The following GCLC variants were observed in gnomAD, a reference collection of about 807,000 sequenced individuals.
GCLC encodes glutamate--cysteine ligase catalytic subunit.
GCLC carries 30 observed loss-of-function variants against 81.5 expected under a neutral mutation model. The observed-to-expected ratio is 0.37, with a 90% CI of 0.28 to 0.50. The LOEUF (loss-of-function observed/expected upper bound fraction) is 0.50. GCLC is among the 20% of genes least tolerant of loss of function. GCLC has a pLI of 0.96. For missense variants in GCLC, 556 were observed against 777.4 expected (o/e 0.72, Z 3.39); for synonymous variants, 262 against 273.3 (o/e 0.96, Z 0.41).
chr6:53,511,035 A>C (rs17886037), intron 6 of GCLC, among the ~76,000 whole-genome samples: 563 of 152,362 alleles, frequency 3.7e-3, no homozygotes, highest in African/African-American at 0.013. Context: ...TTACATGAGC[A>C]GTGAGGAAAT....
chr6:53,515,755 G>T lies in GCLC; in HGVS notation c.560+354C>A, dbSNP rs565852754. On this transcript the variant is annotated intron_variant, in intron 4 of 15. Transcript: ENST00000650454. ...CAAATCACAGATACTGATGGTTAGA[G>T]AGGACAAAAAAGGAGAAATAACTAA... Among the ~76,000 whole-genome samples, 49 of 148,096 alleles carry T rather than the reference G, an allele frequency of 3.3e-4. 1 individual carries two copies. The highest frequency in any genetic ancestry group is 6.8e-3 in the Middle Eastern group (2 of 292).
Position 53,526,304 on chromosome 6 carries a change from G to A in GCLC, c.151-3777C>T, listed in dbSNP as rs75182600. 9.4e-3 allele frequency among the ~76,000 whole-genome samples: 1,436 copies of A among 152,298 alleles called. 17 individuals are homozygous for A. The highest frequency in any genetic ancestry group is 0.029 in the African/African-American group (1,209 of 41,552). On this transcript the variant is annotated intron_variant, in intron 1 of 15. Coordinates refer to ENST00000650454, the MANE Select transcript of GCLC (RefSeq NM_001498.4). The stretch of plus-strand genomic sequence containing the variant: ...AACAAAGAATTTTAACTGAGGCGAT[G>A]TAAGTACTCAGTACAATGCTGAATA...
At chr6:53,536,504 T>G (rs1184335345) in intron 1 of GCLC, among the ~76,000 whole-genome samples, 1 of 152,216 alleles carries the variant, frequency 6.6e-6, no homozygotes, top group Non-Finnish European at 1.5e-5. Flanking sequence ...GATTATATCA[T>G]GAAATGTAGA....
In GCLC at chr6:53,498,903, T is replaced by C. The variant is rs1215013884; in HGVS notation, c.1767A>G (p.Gln589=). The part of the protein sequence containing the change: ...EFIANHPDYK[Q]DSVITDEMNY... Reference sequence around the variant, plus strand: ...TCATTTCATCAGTTATGACACTGTCTTGCTTGTAGTCAGGATGGTTTGCGA... The same window carrying C: ...TCATTTCATCAGTTATGACACTGTCCTGCTTGTAGTCAGGATGGTTTGCGA... The change falls in exon 16 of 16, where the codon CAA becomes CAG. Residue 589 remains glutamine, a synonymous_variant. Coordinates refer to ENST00000650454, the MANE Select transcript of GCLC (RefSeq NM_001498.4). 2.5e-6 allele frequency: 4 copies of C among 1,613,554 alleles called. No homozygotes were observed. Among genetic ancestry groups the C allele is most frequent in the East Asian group, 4.5e-5 (2 of 44,880 alleles).
chr6:53,537,636 AATAC>A (rs888473735), intron 1 of GCLC, among the ~76,000 whole-genome samples: 13 of 150,994 alleles, frequency 8.6e-5, no homozygotes, highest in African/African-American at 1.5e-4. Flanking sequence ...TAAATAAATA[AATAC>A]ATAAATACAT....
At chr6:53,502,723 T>C (rs1764536535) in intron 12 of GCLC, among the ~76,000 whole-genome samples, 1 of 152,228 alleles carries the variant, frequency 6.6e-6, no homozygotes, top group South Asian at 2.1e-4. Flanking sequence ...TATTTTATAT[T>C]ATCTGTTTCA....
intron 1 of GCLC, among the ~76,000 whole-genome samples, chr6:53,528,447 T>C (rs1268675925): frequency 1.3e-5 from 2 of 152,156 alleles, no homozygotes; most frequent in East Asian, 3.8e-4. Context: ...CACAACTATA[T>C]TTTAAACATA....
chr6:53,544,284 T>C (rs1763407976), intron 1 of GCLC, among the ~76,000 whole-genome samples: 1 of 152,128 alleles, frequency 6.6e-6, no homozygotes, highest in South Asian at 2.1e-4. Context: ...AAAGAATGAA[T>C]GAACAAGAAA....
chr6:53,509,378 T>C, intron 6 of GCLC, 128 bp from the exon 7 acceptor site: 1 of 707,626 alleles, frequency 1.4e-6, no homozygotes, highest in Non-Finnish European at 2.6e-6. Flanking sequence ...TGGCAACATT[T>C]AACGCAAGAG....
At chr6:53,543,245 C>A (rs1763389787) in intron 1 of GCLC, among the ~76,000 whole-genome samples, 1 of 152,092 alleles carries the variant, frequency 6.6e-6, no homozygotes, top group Non-Finnish European at 1.5e-5. Context: ...AATGAATATA[C>A]AAAATGGCAG....
At position 53,532,915 on chromosome 6, in the gene GCLC, C is replaced by T. The variant is rs544983163; in HGVS notation, c.151-10388G>A. ...ATAAAACAGACACAAAAATCTAATA[C>T]AGAAAGCTCTTTAGAGATCATCCAT... is the stretch of plus-strand genomic sequence containing the variant. On this transcript the variant is annotated intron_variant, in intron 1 of 15. Coordinates refer to ENST00000650454, the MANE Select transcript of GCLC (RefSeq NM_001498.4). Among the ~76,000 whole-genome samples, 15 of 152,294 alleles carry T rather than the reference C, an allele frequency of 9.8e-5. 1 individual carries two copies. The highest frequency in any genetic ancestry group is 6.2e-4 in the South Asian group (3 of 4,828).
At chr6:53,536,827 A>T (rs1223174418) in intron 1 of GCLC, among the ~76,000 whole-genome samples, 1 of 152,236 alleles carries the variant, frequency 6.6e-6, no homozygotes, top group East Asian at 1.9e-4. Flanking sequence ...ACATGGAGGA[A>T]TTCAACCATG....
At chr6:53,505,943 A>G (rs1764606717) in intron 10 of GCLC, 48 bp from the exon 11 acceptor site, 1 of 1,025,944 alleles carries the variant, frequency 9.7e-7, no homozygotes, top group African/African-American at 1.6e-5. Flanking sequence ...CACATCCAGG[A>G]AAATATTAAG....
intron 3 of GCLC, among the ~76,000 whole-genome samples, chr6:53,517,378 C>T (rs1762893604): frequency 1.3e-5 from 2 of 150,280 alleles, no homozygotes; most frequent in African/African-American, 4.9e-5. Flanking sequence ...ATTACAAGCA[C>T]GTGCCACCTC....
In GCLC at chr6:53,544,653, C is replaced by CCTTCCT; in HGVS notation, c.-9_-8insAGGAAG. The CCTTCCT allele has an allele frequency of 6.4e-7, 1 of 1,550,856 alleles. No homozygotes were observed. Among genetic ancestry groups the CCTTCCT allele is most frequent in the Non-Finnish European group, 8.7e-7 (1 of 1,150,278 alleles). ...CTGGGACAGCAGCCCCATGGCCGCCCCCTCCTCCTCCTCCTCCTCCTCCGG... is the reference window on the plus strand; with the variant it reads ...CTGGGACAGCAGCCCCATGGCCGCCCCTTCCTCCTCCTCCTCCTCCTCCTCCTCCGG... On this transcript the variant is annotated 5_prime_UTR_variant, in exon 1 of 16. Coordinates refer to ENST00000650454, the MANE Select transcript of GCLC (RefSeq NM_001498.4).
intron 12 of GCLC, 61 bp downstream of exon 12, chr6:53,505,331 T>C (rs1764592772): frequency 3.9e-6 from 3 of 762,664 alleles, no homozygotes; most frequent in African/African-American, 1.7e-5. Flanking sequence ...AAATAGCATA[T>C]ATAAATAAAT....
At chr6:53,514,582 A>T in intron 4 of GCLC, 85 bp from the exon 5 acceptor site, 2 of 948,454 alleles carry the variant, frequency 2.1e-6, no homozygotes, top group African/African-American at 1.6e-5. Flanking sequence ...AAGTAAGTGG[A>T]ATGAAATCAT....
rs768189374 is a variant in GCLC at position 53,505,472 on chromosome 6, A to C, written c.1315T>G (p.Ser439Ala). 6.3e-7 allele frequency: 1 copy of C among 1,598,646 alleles called. No individual in the cohort carries two copies. Among genetic ancestry groups the C allele is most frequent in the South Asian group, 1.1e-5 (1 of 90,722 alleles). The change falls in exon 12 of 16, where the codon TCT (serine) becomes GCT (alanine). Residue 439 changes from serine to alanine, a missense_variant. This residue lies in a region of GCLC where 313 missense variants were observed against 437.3 expected (regional missense o/e 0.72). Coordinates refer to ENST00000650454, the MANE Select transcript of GCLC (RefSeq NM_001498.4). ...AGTACCACAAACACCACATAGGCAG[A>C]GTTCTCAAAGTCTGTTAATTGCACC... ...MEVQLTDFEN[S>A]AYVVFVVLLT...
intron 12 of GCLC, among the ~76,000 whole-genome samples, chr6:53,503,583 A>G (rs1396530625): frequency 2.0e-5 from 3 of 152,328 alleles, no homozygotes; most frequent in East Asian, 3.9e-4. Flanking sequence ...GCAAATGAAA[A>G]GTAATATCAG....
Sources: gnomAD v4.1 joint callset for allele counts (sites outside exome capture counted in the v4.1 genomes callset) on GRCh38, gnomAD v4.1.1 for gene constraint, gnomAD v4.1.1 regional missense constraint, MANE v1.5 for transcripts, NCBI Gene and HGNC (gene_info 2026-07-23, HGNC 2026-07-21) for gene names.